The following SREK1 variants were observed in gnomAD, a reference collection of about 807,000 sequenced individuals.
The protein encoded by SREK1 is splicing regulatory glutamic acid and lysine rich protein 1, also known as splicing regulatory glutamine/lysine-rich protein 1.
Under a neutral mutation model 66.5 loss-of-function variants are expected in SREK1, and 13 were observed. The observed-to-expected ratio is 0.20, with a 90% confidence interval of 0.13 to 0.31. The LOEUF (loss-of-function observed/expected upper bound fraction) is 0.31, where lower values mean the gene tolerates loss of function less well. SREK1 is among the 10% of genes least tolerant of loss of function. SREK1 has a pLI of 1.00. For missense variants in SREK1, 607 were observed against 769.6 expected, an observed-to-expected ratio of 0.79 and a Z score of 2.50; for synonymous variants, 265 against 263.5, an observed-to-expected ratio of 1.01 and a Z score of -0.05.
At chr5:66,170,969 T>C (rs762421188) in intron 9 of SREK1, 22 bp downstream of exon 9, 1 of 1,574,612 alleles carries the variant, frequency 6.4e-7, no homozygotes. Context: ...CTTAAAATTT[T>C]TACAAAGGGA....
intron 3 of SREK1, among the ~76,000 whole-genome samples, chr5:66,160,285 T>A (rs979481517): frequency 1.6e-4 from 24 of 152,202 alleles, no homozygotes; most frequent in Admixed American, 1.4e-3. Context: ...AGCTTTGTGG[T>A]GTTGGATAGG....
chr5:66,170,661 G>A lies in SREK1; in HGVS notation c.1198G>A (p.Glu400Lys). ...AGAGAAAGACAGGGAAAAGGAGAGA[G>A]AGAGGGAAAAGGAACGTGAAAAAGA... ...VKEKDREKER[E>K]REKEREKEKE... Residue 400 changes from glutamate (E) to lysine (K), a missense_variant, in exon 9 of 12, where the codon GAG becomes AAG. Physicochemically the swap from Glu to Lys is moderately conservative, Grantham distance 56. Around this residue, in one of 5 missense-constraint regions of SREK1, gnomAD observed 318 missense variants for 310.3 expected, o/e 1.02. Coordinates refer to ENST00000334121, the MANE Select transcript of SREK1 (RefSeq NM_001077199.3). 6.2e-7 allele frequency: 1 copy of A among 1,613,170 alleles called. No individual in the cohort carries two copies. The highest frequency in any genetic ancestry group is 8.5e-7 in the Non-Finnish European group (1 of 1,179,676).
At chr5:66,158,977 A>T (rs548309008) in intron 2 of SREK1, 1 of 1,353,930 alleles carries the variant, frequency 7.4e-7, no homozygotes, top group Non-Finnish European at 9.6e-7. Flanking sequence ...ACATTATTCA[A>T]TTTTTAAAAT....
At chr5:66,144,849 A>G in intron 1 of SREK1, 1 of 1,063,522 alleles carries the variant, frequency 9.4e-7, no homozygotes, top group Non-Finnish European at 1.1e-6. Flanking sequence ...TTCCCCCCGA[A>G]CTTAAGATGG....
At chr5:66,177,270 T>C (rs1017663277) in intron 10 of SREK1, 1 of 327,956 alleles carries the variant, frequency 3.0e-6, no homozygotes, top group African/African-American at 2.1e-5. Flanking sequence ...AAATAGTGTT[T>C]TATGAGAACA....
At chr5:66,150,553 T>C (rs908116875) in intron 1 of SREK1, among the ~76,000 whole-genome samples, 2 of 152,178 alleles carry the variant, frequency 1.3e-5, no homozygotes, top group Admixed American at 1.3e-4. Flanking sequence ...AATTTAGTGT[T>C]TAGAAAGATC....
chr5:66,178,159 A>G (rs1378308854), intron 11 of SREK1, among the ~76,000 whole-genome samples: 2 of 152,034 alleles, frequency 1.3e-5, no homozygotes, highest in Non-Finnish European at 2.9e-5. Flanking sequence ...TGAATTTTGG[A>G]ACATCTATCT....
At chr5:66,156,665 T>A (rs1204965234) in intron 2 of SREK1, 11 of 985,268 alleles carry the variant, frequency 1.1e-5, no homozygotes, top group Non-Finnish European at 1.2e-5. Flanking sequence ...GCATACAAAA[T>A]CATCAAGGAA....
intron 1 of SREK1, among the ~76,000 whole-genome samples, chr5:66,150,457 G>A (rs975148652): frequency 2.0e-5 from 3 of 152,170 alleles, no homozygotes; most frequent in Admixed American, 1.3e-4. Flanking sequence ...TGGAACCACA[G>A]GTATCATTTT....
chr5:66,150,070 AG>A (rs144459817), intron 1 of SREK1, among the ~76,000 whole-genome samples: 65 of 152,346 alleles, frequency 4.3e-4, no homozygotes, highest in African/African-American at 1.5e-3. Context: ...CCAGCCCAAT[AG>A]AGAGAACCTG....
At position 66,163,934 on chromosome 5, in the gene SREK1, A is replaced by G. The variant is rs1014956860; in HGVS notation, c.886+12A>G. ...AGCTATTGAACCAGGTAAGTACATA[A>G]CGTTGTTACATAGGTCATAGTTTAA... On this transcript the variant is annotated intron_variant, in intron 6 of 11. Transcript: ENST00000334121. The G allele has an allele frequency of 2.4e-5, 38 of 1,611,460 alleles. No homozygotes were observed. Among genetic ancestry groups the G allele is most frequent in the Non-Finnish European group, 3.0e-5 (35 of 1,178,464 alleles).
intron 3 of SREK1, 90 bp downstream of exon 3, chr5:66,159,424 C>T: frequency 3.9e-6 from 3 of 770,256 alleles, no homozygotes; most frequent in Non-Finnish European, 3.4e-6. Context: ...GCATTTGGAT[C>T]TTCTTCTTTT....
chr5:66,156,178 C>A, intron 2 of SREK1: 3 of 1,340,688 alleles, frequency 2.2e-6, no homozygotes, highest in South Asian at 2.0e-5. Flanking sequence ...AGATCGGAGT[C>A]TGAACCGCAG....
rs1054879254 is a variant in SREK1 at position 66,182,873 on chromosome 5, T to G, written c.*4005T>G. On this transcript the variant is annotated 3_prime_UTR_variant, in exon 12 of 12. Coordinates refer to ENST00000334121, the MANE Select transcript of SREK1 (RefSeq NM_001077199.3). ...GTGAGGTACTGCACCTGGCAATACG[T>G]TATTTTAAAAGTAAACGCTAAGCCA... 32 of 152,318 alleles carry G rather than the reference T, an allele frequency of 2.1e-4. No individual in the cohort carries two copies. Among genetic ancestry groups the G allele is most frequent in the African/African-American group, 7.2e-4 (30 of 41,558 alleles). 9.4% of individuals were successfully genotyped at this position (152,318 alleles called of 1,614,324 possible).
At chr5:66,149,275 G>A (rs1239628270) in intron 1 of SREK1, among the ~76,000 whole-genome samples, 1 of 152,050 alleles carries the variant, frequency 6.6e-6, no homozygotes, top group African/African-American at 2.4e-5. Context: ...GCATGAACCC[G>A]GGAGGCGGAG....
At chr5:66,169,079 G>C (rs1745403627) in intron 7 of SREK1, 1 of 152,162 alleles carries the variant, frequency 6.6e-6, no homozygotes, top group Admixed American at 6.5e-5. Flanking sequence ...CAAAGCTGTT[G>C]AGTCTAATCA....
chr5:66,157,980 A>G (rs920960367), intron 2 of SREK1: 7 of 153,030 alleles, frequency 4.6e-5, no homozygotes, highest in South Asian at 4.1e-4. Flanking sequence ...TGCATATGCT[A>G]TATTTCAGTT....
chr5:66,170,729 A>G lies in SREK1; in HGVS notation c.1266A>G (p.Glu422=), dbSNP rs1354903753. 2 of 1,603,096 alleles carry G rather than the reference A, an allele frequency of 1.2e-6. No individual in the cohort carries two copies. The highest frequency in any genetic ancestry group is 2.7e-5 in the African/African-American group (2 of 74,622). ...ACAAAGACCGGGACAAGGAACGGGA[A>G]AAGGACCGGGAAAAAGACAAGGAAA... The part of the protein sequence containing the change: ...GKNKDRDKER[E]KDREKDKEKD... The change falls in exon 9 of 12, where the codon GAA becomes GAG. Residue 422 remains glutamate (E), a synonymous_variant. Transcript: ENST00000334121.
At chr5:66,159,182 T>G in intron 2 of SREK1, 37 bp from the exon 3 acceptor site, 3 of 1,584,452 alleles carry the variant, frequency 1.9e-6, no homozygotes, top group Non-Finnish European at 2.6e-6. Context: ...TGTGTGGTGT[T>G]TCTGCTTTTT....
Sources: allele counts gnomAD v4.1 joint callset (sites outside exome capture counted in the v4.1 genomes callset), GRCh38; gene constraint gnomAD v4.1.1; regional missense constraint gnomAD v4.1.1; transcripts MANE v1.5; gene names NCBI Gene and HGNC (gene_info 2026-07-23, HGNC 2026-07-21).